Variants in ZDHHC15 observed in about 807,000 individuals in gnomAD.
ZDHHC15 encodes the protein zDHHC palmitoyltransferase 15.
ZDHHC15 carries 19 observed loss-of-function variants against 31.7 expected under a neutral mutation model. That is an observed-to-expected ratio of 0.60 (90% confidence interval 0.42 to 0.88). ZDHHC15 has a LOEUF of 0.88. Ranked by LOEUF, ZDHHC15 falls within the 40% of genes least tolerant of loss-of-function variation. The pLI, the probability that ZDHHC15 is intolerant of heterozygous loss-of-function variation, is 0.00. For synonymous variants in ZDHHC15, 103 were observed against 90.0 expected, an observed-to-expected ratio of 1.14 and a Z score of -0.82; for missense variants, 209 against 251.2, an observed-to-expected ratio of 0.83 and a Z score of 1.14.
chrX:75,471,556 CT>C (rs2147959427), intron 3 of ZDHHC15, among the ~76,000 whole-genome samples: 1 of 112,339 alleles, frequency 8.9e-6, no homozygotes, highest in East Asian at 2.8e-4. Context: ...CATTTGGCCC[CT>C]CCTACAACCA....
At chrX:75,373,576 A>G (rs1178108927) in intron 11 of ZDHHC15, among the ~76,000 whole-genome samples, 1 of 111,820 alleles carries the variant, frequency 8.9e-6, no homozygotes, top group East Asian at 2.8e-4. Context: ...TCCTATGGAA[A>G]TGATTATAAA....
chrX:75,461,048 C>T (rs1357402858), intron 3 of ZDHHC15, among the ~76,000 whole-genome samples: 1 of 111,414 alleles, frequency 9.0e-6, no homozygotes, highest in Non-Finnish European at 1.9e-5. Context: ...CATGATAAAA[C>T]AATACAGGAG....
intron 4 of ZDHHC15, among the ~76,000 whole-genome samples, chrX:75,447,851 T>A (rs954999665): frequency 8.9e-6 from 1 of 112,036 alleles, no homozygotes; most frequent in African/African-American, 3.2e-5. Context: ...CCCAGCCACT[T>A]TGGAATCCTC....
At chrX:75,405,161 A>C (rs2083398067) in intron 10 of ZDHHC15, among the ~76,000 whole-genome samples, 1 of 111,729 alleles carries the variant, frequency 9.0e-6, no homozygotes, top group South Asian at 3.8e-4. Flanking sequence ...CTCACTTATA[A>C]GTGGGAGCTA....
chrX:75,503,644 A>C (rs958828152), intron 2 of ZDHHC15, among the ~76,000 whole-genome samples: 1 of 111,156 alleles, frequency 9.0e-6, no homozygotes, highest in African/African-American at 3.3e-5. Context: ...TCCGAGGTAG[A>C]TCTAACACCA....
At chrX:75,461,809 C>G (rs917775138) in intron 3 of ZDHHC15, among the ~76,000 whole-genome samples, 1 of 111,578 alleles carries the variant, frequency 9.0e-6, no homozygotes, top group African/African-American at 3.3e-5. Context: ...AAGACTGTTA[C>G]AAGTCACTAC....
intron 8 of ZDHHC15, among the ~76,000 whole-genome samples, chrX:75,423,974 T>G (rs2083680953): frequency 9.0e-6 from 1 of 111,495 alleles, no homozygotes; most frequent in Admixed American, 9.6e-5. Context: ...TGTAAATACT[T>G]ATTTCACCAT....
chrX:75,369,641 G>C lies in ZDHHC15; in HGVS notation c.*3337C>G, dbSNP rs1178925088. Reference sequence around the variant, plus strand: ...GGTGCCACAGGAGGTAATGGCACTGGTTGATGCCACATAGTGTGAAAAATA... The same window carrying C: ...GGTGCCACAGGAGGTAATGGCACTGCTTGATGCCACATAGTGTGAAAAATA... On this transcript the variant is annotated 3_prime_UTR_variant, in exon 12 of 12. Coordinates refer to ENST00000373367, the MANE Select transcript of ZDHHC15 (RefSeq NM_144969.3). 8.9e-6 allele frequency: 1 copy of C among 111,764 alleles called. No homozygotes were observed. The highest frequency in any genetic ancestry group is 1.9e-5 in the Non-Finnish European group (1 of 53,237). The allele number at this position is 111,764 out of a possible 1,213,427, so 9.2% of individuals were successfully genotyped here. A position where few individuals can be genotyped will look rare whatever the true frequency, so the allele number is the denominator to read the frequency against.
At chrX:75,488,823 G>A (rs1236601609) in intron 2 of ZDHHC15, among the ~76,000 whole-genome samples, 3 of 112,206 alleles carry the variant, frequency 2.7e-5, no homozygotes, top group South Asian at 3.7e-4. Context: ...AAGCACAAGG[G>A]GTCAGGGACT....
chrX:75,444,072 G>T (rs975429334), intron 4 of ZDHHC15, among the ~76,000 whole-genome samples: 1 of 110,923 alleles, frequency 9.0e-6, no homozygotes, highest in Non-Finnish European at 1.9e-5. Flanking sequence ...ATTCCTCAGG[G>T]ATCTAGAACT....
chrX:75,476,704 C>T (rs1366519706), intron 3 of ZDHHC15, among the ~76,000 whole-genome samples: 1 of 104,707 alleles, frequency 9.6e-6, no homozygotes, highest in African/African-American at 3.5e-5. Context: ...CCTTTCTCCT[C>T]CCTTCCCTCC....
chrX:75,415,054 G>A (rs775358676), intron 10 of ZDHHC15, among the ~76,000 whole-genome samples: 1 of 110,641 alleles, frequency 9.0e-6, no homozygotes, highest in South Asian at 3.9e-4. Flanking sequence ...GATTACAAGC[G>A]TGAGCTACAG....
rs188316183 is a variant in ZDHHC15, at chrX:75,371,829, C to T, written c.*1149G>A. 1.9e-4 allele frequency: 21 copies of T among 111,764 alleles called. No homozygotes were observed. In the Admixed American group the frequency reaches 2.0e-3, roughly 11 times the overall value. 9.2% of individuals were successfully genotyped at this position (111,764 alleles called of 1,213,427 possible). ...TCAGGCACTAGGACTAAAAGAAAGG[C>T]TGATTATAAATAAATGGGGAAATTG... On this transcript the variant is annotated 3_prime_UTR_variant, in exon 12 of 12. Coordinates refer to ENST00000373367, the MANE Select transcript of ZDHHC15 (RefSeq NM_144969.3).
chrX:75,460,626 T>G (rs1347422319), intron 3 of ZDHHC15, among the ~76,000 whole-genome samples: 2 of 109,604 alleles, frequency 1.8e-5, no homozygotes, highest in Non-Finnish European at 3.8e-5. Flanking sequence ...TCACTGGTGA[T>G]ACATCCAGGT....
chrX:75,489,346 G>A (rs2084832567), intron 2 of ZDHHC15, among the ~76,000 whole-genome samples: 1 of 111,818 alleles, frequency 8.9e-6, no homozygotes, highest in African/African-American at 3.2e-5. Context: ...CCCCCGAGTA[G>A]GGGCAGACTG....
At chrX:75,435,992 A>AT (rs1485347070) in intron 4 of ZDHHC15, among the ~76,000 whole-genome samples, 4 of 110,601 alleles carry the variant, frequency 3.6e-5, no homozygotes, top group Non-Finnish European at 5.7e-5. Context: ...TTTGTTGGCA[A>AT]TTTTTTTATT....
intron 1 of ZDHHC15, among the ~76,000 whole-genome samples, chrX:75,516,181 T>C (rs1361217715): frequency 8.9e-6 from 1 of 111,871 alleles, no homozygotes; most frequent in East Asian, 2.8e-4. Context: ...ATAGATTCAA[T>C]GCCATCCCCA....
intron 2 of ZDHHC15, among the ~76,000 whole-genome samples, chrX:75,488,005 G>A (rs907737975): frequency 8.9e-6 from 1 of 112,019 alleles, no homozygotes; most frequent in Non-Finnish European, 1.9e-5. Context: ...AATGAACAAA[G>A]CCTTCAAAGA....
At chrX:75,509,972 T>G (rs1309784885) in intron 1 of ZDHHC15, among the ~76,000 whole-genome samples, 3 of 111,862 alleles carry the variant, frequency 2.7e-5, no homozygotes, top group Non-Finnish European at 5.6e-5. Context: ...CCCCCACTTT[T>G]TCTCTTAGAT....
Sources: gnomAD v4.1 joint callset for allele counts (sites outside exome capture counted in the v4.1 genomes callset) on GRCh38, gnomAD v4.1.1 for gene constraint, MANE v1.5 for transcripts, NCBI Gene and HGNC (gene_info 2026-07-23, HGNC 2026-07-21) for gene names.